Variants in DNAH6 observed in about 807,000 individuals in gnomAD.
DNAH6 encodes the protein dynein axonemal heavy chain 6.
A neutral mutation model predicts 491.4 loss-of-function variants in DNAH6; 340 were observed. That is an observed-to-expected ratio of 0.69 (90% CI 0.63 to 0.76). The LOEUF (loss-of-function observed/expected upper bound fraction) is 0.76. Ranked by LOEUF, DNAH6 falls within the 30% of genes least tolerant of loss-of-function variation. The pLI, the probability that DNAH6 is intolerant of heterozygous loss-of-function variation, is 0.00. For missense variants in DNAH6, 4,443 were observed against 4,972.2 expected, an observed-to-expected ratio of 0.89 and a Z score of 3.20; for synonymous variants, 1,603 against 1,686.1, an observed-to-expected ratio of 0.95 and a Z score of 1.21.
chr2:84,526,550 C>T (rs914454940), intron 3 of DNAH6, among the ~76,000 whole-genome samples: 1 of 152,018 alleles, frequency 6.6e-6, no homozygotes, highest in Non-Finnish European at 1.5e-5. Flanking sequence ...ACCTGGCCAT[C>T]GGGGGGCCAG....
chr2:84,468,153 G>A, the DNAH6 span, among the ~76,000 whole-genome samples: 78 of 152,204 alleles, frequency 5.1e-4, no homozygotes, highest in African/African-American at 1.7e-3. Flanking sequence ...AGTAAAAAGC[G>A]TTAGTTTTTA....
intron 63 of DNAH6, among the ~76,000 whole-genome samples, chr2:84,748,027 C>T (rs1673130688): frequency 6.6e-6 from 1 of 152,194 alleles, no homozygotes; most frequent in Non-Finnish European, 1.5e-5. Flanking sequence ...GGCTTGTCTA[C>T]TGAAACTATT....
At chr2:84,805,538 A>C (rs1254218888) in intron 70 of DNAH6, 127 bp from the exon 71 acceptor site, 1 of 856,350 alleles carries the variant, frequency 1.2e-6, no homozygotes, top group Non-Finnish European at 1.7e-6. Flanking sequence ...ACCACAATAA[A>C]ATAAAGTGAA....
At chr2:84,817,198 A>T (rs1192355) in intron 76 of DNAH6, among the ~76,000 whole-genome samples, 18,508 of 152,018 alleles carry the variant, frequency 0.12, 1,162 homozygotes, top group Non-Finnish European at 0.13. Context: ...AAAAAAAAAA[A>T]TGCTCAAAAT....
intron 14 of DNAH6, among the ~76,000 whole-genome samples, chr2:84,579,956 A>G (rs566958792): frequency 1.3e-5 from 2 of 152,230 alleles, no homozygotes; most frequent in Non-Finnish European, 2.9e-5. Flanking sequence ...CTCATTCTGC[A>G]GATAAGGAAA....
intron 24 of DNAH6, 96 bp downstream of exon 24, chr2:84,620,000 C>A: frequency 9.3e-7 from 1 of 1,076,586 alleles, no homozygotes; most frequent in Non-Finnish European, 1.3e-6. Flanking sequence ...GTTGGCTCAG[C>A]AGTTTCAAGG....
At chr2:84,695,106 T>C (rs1011680042) in intron 46 of DNAH6, among the ~76,000 whole-genome samples, 19 of 152,274 alleles carry the variant, frequency 1.2e-4, no homozygotes, top group African/African-American at 4.6e-4. Context: ...ATATTTTTAG[T>C]ATCTATGACA....
intron 30 of DNAH6, among the ~76,000 whole-genome samples, chr2:84,635,624 T>C (rs1033498153): frequency 1.3e-5 from 2 of 152,110 alleles, no homozygotes; most frequent in African/African-American, 2.4e-5. Context: ...AGAGGCAGGA[T>C]TGAAGCTTTG....
At chr2:84,554,594 T>G (rs1679838807) in intron 10 of DNAH6, among the ~76,000 whole-genome samples, 1 of 152,236 alleles carries the variant, frequency 6.6e-6, no homozygotes, top group Non-Finnish European at 1.5e-5. Flanking sequence ...TCAGTTTCTG[T>G]GTTTATATGA....
chr2:84,649,306 G>A (rs973137041), intron 33 of DNAH6, among the ~76,000 whole-genome samples: 3 of 152,076 alleles, frequency 2.0e-5, no homozygotes, highest in Non-Finnish European at 4.4e-5. Context: ...ATAAATATAC[G>A]ATTAAGTTTC....
chr2:84,565,338 T>C (rs1269152737), intron 11 of DNAH6, among the ~76,000 whole-genome samples: 1 of 151,754 alleles, frequency 6.6e-6, no homozygotes, highest in Non-Finnish European at 1.5e-5. Flanking sequence ...CTTTTTTTTT[T>C]TGTAGTTTTT....
chr2:84,752,732 AAGTGTCTG>A, intron 63 of DNAH6, among the ~76,000 whole-genome samples: 1 of 152,020 alleles, frequency 6.6e-6, no homozygotes. Flanking sequence ...CTGTTGTATC[AAGTGTCTG>A]TACTTCATTC....
intron 42 of DNAH6, among the ~76,000 whole-genome samples, chr2:84,683,135 T>G (rs1282376076): frequency 2.6e-5 from 4 of 152,160 alleles, no homozygotes; most frequent in African/African-American, 4.8e-5. Context: ...CCTTCATAGC[T>G]CCTATTACCT....
intron 40 of DNAH6, among the ~76,000 whole-genome samples, chr2:84,673,297 G>A (rs917539242): frequency 6.6e-6 from 1 of 152,134 alleles, no homozygotes; most frequent in South Asian, 2.1e-4. Context: ...GATTTATCCT[G>A]TAAGTGCTGA....
chr2:84,477,037 T>C, the DNAH6 span, among the ~76,000 whole-genome samples: 2 of 152,134 alleles, frequency 1.3e-5, no homozygotes, highest in East Asian at 3.9e-4. Flanking sequence ...GCCAGGAATG[T>C]TGGGGGCAGG....
chr2:84,602,808 T>TC lies in DNAH6; in HGVS notation c.2869-1531_2869-1530insC, dbSNP rs1176533581. On this transcript the variant is annotated intron_variant, in intron 18 of 76. Transcript: ENST00000389394. Reference sequence around the variant, plus strand: ...GTCTTGGATGCTCTGTTTTTTTTTTTTTTTCTTTTCCCTCTTTTTTCTCTG... The same window carrying TC: ...GTCTTGGATGCTCTGTTTTTTTTTTTCTTTTCTTTTCCCTCTTTTTTCTCTG... 1.7e-3 allele frequency among the ~76,000 whole-genome samples: 254 copies of TC among 150,872 alleles called. 1 individual carries two copies. Among genetic ancestry groups the TC allele is most frequent in the African/African-American group, 5.9e-3 (245 of 41,240 alleles).
chr2:84,723,121 G>A (rs1473154865), intron 60 of DNAH6, among the ~76,000 whole-genome samples: 3 of 152,062 alleles, frequency 2.0e-5, no homozygotes, highest in Admixed American at 6.5e-5. Flanking sequence ...CCAGCTACTC[G>A]GGAGGCTGGG....
chr2:84,484,054 G>A, the DNAH6 span, among the ~76,000 whole-genome samples: 1 of 152,116 alleles, frequency 6.6e-6, no homozygotes, highest in African/African-American at 2.4e-5. Context: ...TTTGCCCATG[G>A]TGTTTGGCTG....
Position 84,668,328 on chromosome 2 carries a change from T to C in DNAH6, c.6085-961T>C, listed in dbSNP as rs537185398. Among the ~76,000 whole-genome samples the C allele has an allele frequency of 5.3e-5, 8 of 152,340 alleles. No homozygotes were observed. The South Asian group carries it at 1.7e-3, about 32-fold the overall frequency. ...TAGAGGTAAATATTTTACATGTTTGTAGATACACATATGTATGTATTTACA... is the reference window on the plus strand; with the variant it reads ...TAGAGGTAAATATTTTACATGTTTGCAGATACACATATGTATGTATTTACA... On this transcript the variant is annotated intron_variant, in intron 37 of 76. Transcript: ENST00000389394.
Sources: allele counts gnomAD v4.1 joint callset (sites outside exome capture counted in the v4.1 genomes callset), GRCh38; gene constraint gnomAD v4.1.1; transcripts MANE v1.5; gene names NCBI Gene and HGNC (gene_info 2026-07-23, HGNC 2026-07-21).